GPN1: variants seen among roughly 807,000 people sequenced by gnomAD.
GPN1 encodes GPN-loop GTPase 1, also known as ATP(GTP)-binding protein.
GPN1 carries 44 observed loss-of-function variants against 55.9 expected under a neutral mutation model. That is an observed-to-expected ratio of 0.79 (90% CI 0.62 to 1.01). The LOEUF is 1.01. Among genes scored for constraint, GPN1 ranks in the 50% least tolerant of loss-of-function variants. The pLI, the probability that GPN1 is intolerant of heterozygous loss-of-function variation, is 0.00. For synonymous variants in GPN1, 179 were observed against 162.5 expected (o/e 1.10, Z -0.77); for missense variants, 466 against 462.8 (o/e 1.01, Z -0.06).
intron 12 of GPN1, among the ~76,000 whole-genome samples, chr2:27,645,953 C>T (rs934143849): frequency 6.6e-6 from 1 of 152,082 alleles, no homozygotes; most frequent in African/African-American, 2.4e-5. Flanking sequence ...TGGTCTCGAA[C>T]TCCTGGGCTC....
chr2:27,640,943 A>G (rs1038330536), intron 10 of GPN1, among the ~76,000 whole-genome samples: 2 of 152,138 alleles, frequency 1.3e-5, no homozygotes, highest in African/African-American at 4.8e-5. Flanking sequence ...TCTTTTACTT[A>G]TCTCACCCTT....
At chr2:27,638,323 G>A in intron 8 of GPN1, 68 bp downstream of exon 8, 1 of 862,994 alleles carries the variant, frequency 1.2e-6, no homozygotes, top group Non-Finnish European at 2.0e-6. Flanking sequence ...AGGTTTAGGT[G>A]GGTGAGAAAG....
intron 12 of GPN1, among the ~76,000 whole-genome samples, chr2:27,647,619 T>A (rs1306151422): frequency 6.6e-6 from 1 of 152,166 alleles, no homozygotes; most frequent in African/African-American, 2.4e-5. Context: ...CTTAAAAAAA[T>A]GGGACTCCTA....
At position 27,629,086 on chromosome 2, in the gene GPN1, C is replaced by G. The variant is rs1394744158; in HGVS notation, c.28C>G (p.Leu10Val). Residue 10 changes from leucine to valine, a missense_variant, in exon 1 of 14, where the codon CTC becomes GTC. By Grantham distance (32) the Leu-to-Val change is conservative. Coordinates refer to ENST00000610189, the MANE Select transcript of GPN1 (RefSeq NM_007266.4). ...GGCGGCGTCCGCAGCTGCCGCTGAG[C>G]TCCAGGCTTCTGGGGGTCCGCGGCA... The part of the protein sequence containing the change: MAASAAAAE[L>V]QASGGPRHPV... 6.2e-7 allele frequency: 1 copy of G among 1,614,234 alleles called. No individual in the cohort carries two copies.
At chr2:27,635,300 C>CCTTTTTT in intron 7 of GPN1, 66 bp downstream of exon 7, 2 of 520,130 alleles carry the variant, frequency 3.8e-6, no homozygotes, top group Non-Finnish European at 6.5e-6. Context: ...TCTTCTTCCT[C>CCTTTTTT]TTTTTTTTTT....
At chr2:27,637,910 G>C (rs1673792089) in intron 7 of GPN1, among the ~76,000 whole-genome samples, 1 of 152,096 alleles carries the variant, frequency 6.6e-6, no homozygotes, top group African/African-American at 2.4e-5. Context: ...ACCTGTAATA[G>C]GTATTCAGTA....
chr2:27,647,885 A>G lies in GPN1; in HGVS notation c.981A>G (p.Gly327=), dbSNP rs1244061566. Residue 327 remains glycine, a synonymous_variant, in exon 13 of 14, where the codon GGA becomes GGG. Transcript: ENST00000610189. ...LHPSDLILTR[G]TLDEEDEEAD... Reference sequence around the variant, plus strand: ...CTTCTGATTTGATCCTGACTCGAGGAACCTTGGATGAAGAGGATGAGGAAG... The same window carrying G: ...CTTCTGATTTGATCCTGACTCGAGGGACCTTGGATGAAGAGGATGAGGAAG... The G allele has an allele frequency of 6.2e-7, 1 of 1,613,884 alleles. No individual in the cohort carries two copies. Among genetic ancestry groups the G allele is most frequent in the Admixed American group, 1.7e-5 (1 of 60,016 alleles).
At chr2:27,629,768 C>T in intron 1 of GPN1, 91 bp from the exon 2 acceptor site, 1 of 755,442 alleles carries the variant, frequency 1.3e-6, no homozygotes, top group Non-Finnish European at 2.4e-6. Flanking sequence ...AATCTAAGTG[C>T]AATATTCTTA....
At chr2:27,639,510 T>C (rs916980208) in intron 9 of GPN1, among the ~76,000 whole-genome samples, 1 of 152,042 alleles carries the variant, frequency 6.6e-6, no homozygotes, top group Non-Finnish European at 1.5e-5. Context: ...GTCCTAATTA[T>C]CTTTTTTTTT....
intron 7 of GPN1, among the ~76,000 whole-genome samples, chr2:27,636,221 A>G (rs1308076414): frequency 1.3e-5 from 2 of 152,144 alleles, no homozygotes; most frequent in Non-Finnish European, 2.9e-5. Context: ...GTCTCAAAAA[A>G]ATAAAATGCA....
chr2:27,645,210 G>C (rs1379702110), intron 12 of GPN1, among the ~76,000 whole-genome samples: 2 of 152,054 alleles, frequency 1.3e-5, no homozygotes, highest in African/African-American at 4.8e-5. Context: ...GCCTCAGGCA[G>C]TCCTCCTGTC....
chr2:27,649,328 C>T (rs1251370347), intron 13 of GPN1, among the ~76,000 whole-genome samples: 1 of 151,716 alleles, frequency 6.6e-6, no homozygotes, highest in Non-Finnish European at 1.5e-5. Context: ...AGCAAATCTC[C>T]TTATTCTTTA....
intron 7 of GPN1, among the ~76,000 whole-genome samples, chr2:27,636,102 G>A (rs1170784405): frequency 2.6e-5 from 4 of 152,072 alleles, no homozygotes; most frequent in Non-Finnish European, 5.9e-5. Flanking sequence ...TGTAATCCCC[G>A]CTACCTGGGA....
intron 3 of GPN1, 188 bp downstream of exon 3, chr2:27,631,254 C>A (rs1673541899): frequency 1.7e-6 from 1 of 586,196 alleles, no homozygotes; most frequent in Non-Finnish European, 3.0e-6. Context: ...CTTACCATCT[C>A]CCCAGATGGC....
intron 9 of GPN1, among the ~76,000 whole-genome samples, chr2:27,639,657 C>A (rs1211973293): frequency 3.9e-5 from 6 of 151,914 alleles, no homozygotes; most frequent in African/African-American, 1.5e-4. Flanking sequence ...GCAGCTAAGA[C>A]TATAGGCGTG....
chr2:27,628,909 C>G, upstream of GPN1: 1 of 1,482,210 alleles, frequency 6.7e-7, no homozygotes, highest in Non-Finnish European at 9.0e-7. Flanking sequence ...CAGCCCTGCC[C>G]GACGCTAAGA....
intron 10 of GPN1, among the ~76,000 whole-genome samples, chr2:27,640,433 C>T (rs1329155206): frequency 6.6e-6 from 1 of 152,140 alleles, no homozygotes. Flanking sequence ...TGCAACTGCT[C>T]ACGTCTGCCA....
At chr2:27,637,450 C>T (rs1673773977) in intron 7 of GPN1, among the ~76,000 whole-genome samples, 1 of 151,880 alleles carries the variant, frequency 6.6e-6, no homozygotes, top group Admixed American at 6.6e-5. Flanking sequence ...TCAAAATATC[C>T]CTTTGTACAC....
intron 3 of GPN1, 114 bp from the exon 4 acceptor site, chr2:27,631,720 C>A: frequency 1.3e-6 from 1 of 743,774 alleles, no homozygotes; most frequent in Admixed American, 1.9e-5. Flanking sequence ...ATTAGGTTGC[C>A]AGTATCCATT....
Sources: allele counts gnomAD v4.1 joint callset (sites outside exome capture counted in the v4.1 genomes callset), GRCh38; gene constraint gnomAD v4.1.1; transcripts MANE v1.5; gene names NCBI Gene and HGNC (gene_info 2026-07-23, HGNC 2026-07-21).